Variants in TTN observed in about 807,000 individuals in gnomAD.
The protein encoded by TTN is titin.
TTN carries 1,525 observed loss-of-function variants against 3,223.0 expected under a neutral mutation model. The ratio of observed to expected loss-of-function variants is 0.47; its 90% CI spans 0.45 to 0.49. The LOEUF (loss-of-function observed/expected upper bound fraction) is 0.49, where lower values mean the gene tolerates loss of function less well. Among genes scored for constraint, TTN ranks in the 20% least tolerant of loss-of-function variants. TTN has a pLI of 0.00. For synonymous variants in TTN, 14,094 were observed against 15,161.0 expected (o/e 0.93, Z 5.17); for missense variants, 40,786 against 43,424.0 (o/e 0.94, Z 5.40).
Position 178,602,609 on chromosome 2 carries a change from A to G in TTN, c.54812-19T>C. 6.8e-7 allele frequency: 1 copy of G among 1,464,712 alleles called. No homozygotes were observed. The allele number at this position is 1,464,712 out of a possible 1,614,324, so 90.7% of individuals were successfully genotyped here. A position where few individuals can be genotyped will look rare whatever the true frequency, so the allele number is the denominator to read the frequency against. On this transcript the variant is annotated intron_variant, in intron 282 of 362. Coordinates refer to ENST00000589042, the MANE Select transcript of TTN (RefSeq NM_001267550.2). ...GGTGGAACTAATAACAAAAGAAAAA[A>G]AAAAGCTTCATCAGATTTTGAAGCT...
At chr2:178,751,465 T>C in intron 47 of TTN, 1 of 1,613,242 alleles carries the variant, frequency 6.2e-7, no homozygotes, top group East Asian at 2.2e-5. Context: ...CCACATCTTG[T>C]TTTTTGTTAA....
At chr2:178,750,600 A>C in intron 47 of TTN, 2 of 1,612,592 alleles carry the variant, frequency 1.2e-6, no homozygotes, top group Admixed American at 3.3e-5. Context: ...TTTCGAAAAG[A>C]ATTTTCAAAA....
Position 178,533,399 on chromosome 2 carries a change from C to T in TTN, c.103216G>A (p.Gly34406Arg), listed in dbSNP as rs371753532. The T allele has an allele frequency of 1.2e-5, 19 of 1,613,660 alleles. No individual in the cohort carries two copies. The highest frequency in any genetic ancestry group is 3.3e-5 in the South Asian group (3 of 91,076). Residue 34406 changes from glycine (G) to arginine (R), a missense_variant, in exon 358 of 363, where the codon GGG (glycine) becomes AGG (arginine). Coordinates refer to ENST00000589042, the MANE Select transcript of TTN (RefSeq NM_001267550.2). ...WEKDGQPLSLGPNIEIIHEGL... is the reference protein window; with the variant it reads ...WEKDGQPLSLRPNIEIIHEGL... ...TCATGGATAATTTCAATGTTAGGCC[C>T]GAGGGACAGTGGCTGACCATCTTTC...
intron 47 of TTN, chr2:178,747,656 C>A: frequency 6.2e-7 from 1 of 1,613,192 alleles, no homozygotes. Context: ...AGGAACCTCA[C>A]GCTTTCCAGC....
intron 228 of TTN, 102 bp downstream of exon 228, chr2:178,635,063 A>G: frequency 6.6e-7 from 1 of 1,512,746 alleles, no homozygotes; most frequent in Non-Finnish European, 8.9e-7. Flanking sequence ...AGACTCCATT[A>G]ACTCCATTAT....
At position 178,784,085 on chromosome 2, in the gene TTN, G is replaced by A. The variant is rs138788406; in HGVS notation, c.2760C>T (p.His920=). 104 of 1,613,468 alleles carry A rather than the reference G, an allele frequency of 6.4e-5. No individual in the cohort carries two copies. Among genetic ancestry groups the A allele is most frequent in the African/African-American group, 2.1e-4 (16 of 74,978 alleles). Residue 920 remains histidine, a synonymous_variant, in exon 16 of 363, where the codon CAC becomes CAT. Coordinates refer to ENST00000589042, the MANE Select transcript of TTN (RefSeq NM_001267550.2). ...TVREERFEVL[H]GREAKVTETA... The stretch of plus-strand genomic sequence containing the variant: ...AGTGACCAACCTTGGCTTCGCGTCC[G>A]TGCAGTACTTCAAAGCGCTCTTCAC...
chr2:178,747,315 A>T, intron 47 of TTN: 1 of 1,613,356 alleles, frequency 6.2e-7, no homozygotes, highest in Non-Finnish European at 8.5e-7. Flanking sequence ...AAAGGTGTGG[A>T]ATATCTTTCA....
Position 178,608,705 on chromosome 2 carries a change from T to C in TTN, c.52306A>G (p.Ile17436Val). 6.2e-7 allele frequency: 1 copy of C among 1,612,526 alleles called. No homozygotes were observed. Among genetic ancestry groups the C allele is most frequent in the Admixed American group, 1.7e-5 (1 of 59,918 alleles). The change falls in exon 274 of 363, where the codon ATT becomes GTT. Residue 17436 changes from isoleucine to valine, a missense_variant. Physicochemically the swap from Ile to Val is conservative, Grantham distance 29 (BLOSUM62 3). Coordinates refer to ENST00000589042, the MANE Select transcript of TTN (RefSeq NM_001267550.2). ...CGGAAGAGGTACTCTTTTCCTTCAA[T>C]CAGTTTTGTTACTGAATATTTGCAA... is the stretch of plus-strand genomic sequence containing the variant. The part of the protein sequence containing the change: ...RHCKYSVTKL[I>V]EGKEYLFRVR...
Position 178,606,028 on chromosome 2 carries a change from A to C in TTN, c.53582-315T>G, listed in dbSNP as rs545869333. 2.0e-5 allele frequency among the ~76,000 whole-genome samples: 3 copies of C among 152,160 alleles called. No individual in the cohort carries two copies. The East Asian group carries it at 5.8e-4, about 30-fold the overall frequency. ...GCTTCTAATTCTACTGAACTAGGAA[A>C]GTAAGTCTGTGAAGCTTTGCTTTGA... is the stretch of plus-strand genomic sequence containing the variant. On this transcript the variant is annotated intron_variant, in intron 278 of 362. Coordinates refer to ENST00000589042, the MANE Select transcript of TTN (RefSeq NM_001267550.2).
chr2:178,694,598 C>G lies in TTN; in HGVS notation c.31426+1G>C, dbSNP rs6749719. On this transcript the variant is annotated splice_donor_variant, in intron 117 of 362. Transcript: ENST00000589042. LOFTEE classifies it high-confidence loss of function. ...TGTAGCTGAAACACAAAGATGTATACCTTTCACTTCAATAACTTCTTCCTG... is the reference window on the plus strand; with the variant it reads ...TGTAGCTGAAACACAAAGATGTATAGCTTTCACTTCAATAACTTCTTCCTG... 37 of 1,552,402 alleles carry G rather than the reference C, an allele frequency of 2.4e-5. No homozygotes were observed. Among genetic ancestry groups the G allele is most frequent in the Non-Finnish European group, 2.6e-5 (30 of 1,146,928 alleles).
rs770979567 is a variant in TTN, at chr2:178,546,108, C to T, written c.95128G>A (p.Gly31710Ser). The change falls in exon 343 of 363, where the codon GGC (glycine) becomes AGC (serine). Residue 31710 changes from glycine (G) to serine (S), a missense_variant. Physicochemically the swap from Gly to Ser is moderately conservative, Grantham distance 56. Coordinates refer to ENST00000589042, the MANE Select transcript of TTN (RefSeq NM_001267550.2). ...CTGACGGTGAGCTTTCCACATGGGC[C>T]AGGGGAATCTGAAACAGGTGTAATG... ...SVMVKVLDSPGPCGKLTVSRV... is the reference protein window; with the variant it reads ...SVMVKVLDSPSPCGKLTVSRV... 3.1e-6 allele frequency: 5 copies of T among 1,603,884 alleles called. No homozygotes were observed. Among genetic ancestry groups the T allele is most frequent in the Middle Eastern group, 1.7e-4 (1 of 6,020 alleles).
rs750125429 is a variant in TTN at position 178,738,312 on chromosome 2, C to T, written c.14141G>A (p.Gly4714Asp). 2.4e-5 allele frequency: 38 copies of T among 1,613,298 alleles called. No homozygotes were observed. The East Asian group carries it at 6.9e-4, about 29-fold the overall frequency. ...CTCACAGGTGAATTTGGCTAGGTGG[C>T]CCAGTGCTACTTCCAGGGGTTCGAT... ...RKIEPLEVAL[G>D]HLAKFTCEIQ... The change falls in exon 49 of 363, where the codon GGC (glycine) becomes GAC (aspartate). Residue 4714 changes from glycine to aspartate, a missense_variant. Gly to Asp is a moderately conservative substitution (Grantham distance 94). Transcript: ENST00000589042.
Position 178,618,098 on chromosome 2 carries a change from A to G in TTN, c.47270-17T>C. 1 of 1,611,338 alleles carries G rather than the reference A, an allele frequency of 6.2e-7. No individual in the cohort carries two copies. The highest frequency in any genetic ancestry group is 1.1e-5 in the South Asian group (1 of 90,794). The stretch of plus-strand genomic sequence containing the variant: ...CTGGAACATCTGGATTTCACCACAG[A>G]AGAAGAAAATATGAGTTTGGGGTAA... On this transcript the variant is annotated splice_polypyrimidine_tract_variant and intron_variant, in intron 252 of 362. Transcript: ENST00000589042.
chr2:178,789,053 T>C (rs1330659264), intron 13 of TTN, among the ~76,000 whole-genome samples: 6 of 152,104 alleles, frequency 3.9e-5, no homozygotes, highest in African/African-American at 1.2e-4. Context: ...AAAATGTTCA[T>C]GGGCCTCTTA....
chr2:178,746,203 G>A (rs750595762), intron 47 of TTN: 8 of 1,612,902 alleles, frequency 5.0e-6, no homozygotes, highest in Non-Finnish European at 5.9e-6. Context: ...CTGAACATTT[G>A]AATACAGCAT....
Position 178,620,625 on chromosome 2 carries a change from T to G in TTN, c.45896A>C (p.Glu15299Ala), listed in dbSNP as rs1179379718. The G allele has an allele frequency of 6.2e-7, 1 of 1,605,574 alleles. No homozygotes were observed. The highest frequency in any genetic ancestry group is 1.7e-5 in the Admixed American group (1 of 58,092). Residue 15299 changes from glutamate to alanine, a missense_variant and splice_region_variant, in exon 248 of 363, where the codon GAG becomes GCG. Coordinates refer to ENST00000589042, the MANE Select transcript of TTN (RefSeq NM_001267550.2). ...VKSAANLIVE[E>A]EDLRIVEPLK... ...AGGCTCAACAATCCTAAGGTCTTCC[T>G]CTGTTGTAAAGGAGAAAAATATGTT...
chr2:178,607,499 ATTAG>A lies in TTN; in HGVS notation c.53185_53188del (p.Ile17730SerfsTer13). The A allele has an allele frequency of 6.2e-7, 1 of 1,613,226 alleles. No homozygotes were observed. The highest frequency in any genetic ancestry group is 8.5e-7 in the Non-Finnish European group (1 of 1,179,378). On this transcript the variant is annotated frameshift_variant, in exon 277 of 363. Transcript: ENST00000589042. LOFTEE classifies it high-confidence loss of function. ...GTCTTTTCGCAGTGCATCCTTGATA[ATTAG>A]TTCAGATTTGGTTCCAACGTTGTCT...
At chr2:178,650,677 A>G in intron 209 of TTN, 74 bp downstream of exon 209, 2 of 1,325,966 alleles carry the variant, frequency 1.5e-6, no homozygotes, top group Non-Finnish European at 2.1e-6. Flanking sequence ...ATGAGTTAGG[A>G]AGGAAGAAGA....
intron 223 of TTN, among the ~76,000 whole-genome samples, chr2:178,638,476 T>C (rs1403397608): frequency 6.6e-6 from 1 of 151,468 alleles, no homozygotes; most frequent in Non-Finnish European, 1.5e-5. Flanking sequence ...AAAATTTCTC[T>C]GTCAAACTAT....
Sources: allele counts gnomAD v4.1 joint callset (sites outside exome capture counted in the v4.1 genomes callset), GRCh38; gene constraint gnomAD v4.1.1; transcripts MANE v1.5; gene names NCBI Gene and HGNC (gene_info 2026-07-23, HGNC 2026-07-21).